Variants in BBS2 observed in about 807,000 individuals in gnomAD.
BBS2 encodes Bardet-Biedl syndrome 2.
In BBS2, 62 loss-of-function variants were observed where a neutral mutation model predicts 83.0. The ratio of observed to expected loss-of-function variants is 0.75; its 90% CI spans 0.61 to 0.92. The LOEUF is 0.92. Among genes scored for constraint, BBS2 ranks in the 40% least tolerant of loss-of-function variants. BBS2 has a pLI of 0.00. For missense variants in BBS2, 784 were observed against 901.0 expected (o/e 0.87, Z 1.66); for synonymous variants, 303 against 326.1 (o/e 0.93, Z 0.76).
chr16:56,475,987 C>G (rs999172487), intron 17 of BBS2: 58 of 1,473,408 alleles, frequency 3.9e-5, no homozygotes, highest in Non-Finnish European at 5.0e-5. Flanking sequence ...GGTTAATCAT[C>G]CAAGATTTGA....
Position 56,514,775 on chromosome 16 carries a change from A to G in BBS2, c.118-95T>C, listed in dbSNP as rs186644950. The G allele has an allele frequency of 1.1e-5, 10 of 912,172 alleles. No homozygotes were observed. In the Admixed American group the frequency reaches 1.6e-4, roughly 15 times the overall value. The allele number at this position is 912,172 out of a possible 1,614,324, so 56.5% of individuals were successfully genotyped here. A position where few individuals can be genotyped will look rare whatever the true frequency, so the allele number is the denominator to read the frequency against. ...AGAACCAGGTTATTAACACATCCAC[A>G]TTAACAAGAGGTCACTTTAATCTCC... On this transcript the variant is annotated intron_variant, in intron 1 of 16. Transcript: ENST00000245157.
At chr16:56,491,442 T>C (rs759987439) in intron 15 of BBS2, among the ~76,000 whole-genome samples, 2 of 152,198 alleles carry the variant, frequency 1.3e-5, no homozygotes, top group African/African-American at 2.4e-5. Flanking sequence ...TTTTCTGCCA[T>C]GTTTTGACTT....
intron 17 of BBS2, chr16:56,475,541 C>A: frequency 1.2e-6 from 2 of 1,613,974 alleles, no homozygotes; most frequent in Non-Finnish European, 8.5e-7. Flanking sequence ...TTACTTCTTA[C>A]ATTGCCAAAG....
chr16:56,516,365 T>C (rs1395726600), intron 1 of BBS2, among the ~76,000 whole-genome samples: 1 of 152,124 alleles, frequency 6.6e-6, no homozygotes. Context: ...AGAGGAAAAC[T>C]CTAATATTCA....
intron 5 of BBS2, among the ~76,000 whole-genome samples, chr16:56,508,617 T>G (rs1241282782): frequency 2.0e-5 from 3 of 152,140 alleles, no homozygotes; most frequent in Admixed American, 2.0e-4. Context: ...TTTGTCTTTA[T>G]TTTCCTAACT....
intron 15 of BBS2, among the ~76,000 whole-genome samples, chr16:56,496,222 T>C (rs1399034102): frequency 3.3e-5 from 5 of 152,144 alleles, no homozygotes; most frequent in Non-Finnish European, 7.4e-5. Flanking sequence ...ATTGGCAAGG[T>C]AAATTTGGCA....
downstream of BBS2, among the ~76,000 whole-genome samples, chr16:56,480,366 C>CAAAAAAAAAAAAAAAAA (rs1157907841): frequency 3.3e-5 from 3 of 90,232 alleles, 1 homozygote; most frequent in South Asian, 3.7e-4. Flanking sequence ...AAAAAAAAAA[C>CAAAAAAAAAAAAAAAAA]AAAAAAAAAA....
chr16:56,476,766 T>A (rs1963497078), intron 17 of BBS2: 1 of 151,596 alleles, frequency 6.6e-6, no homozygotes, highest in African/African-American at 2.5e-5. Context: ...CTTTTGTGAC[T>A]GGTTTCACTT....
At chr16:56,507,066 A>T (rs1448371388) in intron 5 of BBS2, among the ~76,000 whole-genome samples, 1 of 152,234 alleles carries the variant, frequency 6.6e-6, no homozygotes, top group Non-Finnish European at 1.5e-5. Context: ...TTAACTATGA[A>T]TACAAAGTGC....
chr16:56,487,512 T>C (rs912875407), intron 15 of BBS2, among the ~76,000 whole-genome samples: 1 of 152,110 alleles, frequency 6.6e-6, no homozygotes, highest in Non-Finnish European at 1.5e-5. Flanking sequence ...TGTCTAAAAA[T>C]ACAGAAAATA....
intron 2 of BBS2, among the ~76,000 whole-genome samples, chr16:56,511,719 A>G (rs1041026892): frequency 1.3e-5 from 2 of 152,150 alleles, no homozygotes; most frequent in Non-Finnish European, 2.9e-5. Flanking sequence ...TACATGTCCT[A>G]TTGGTTCTGT....
At position 56,498,441 on chromosome 16, in the gene BBS2, C is replaced by G; in HGVS notation, c.1655G>C (p.Gly552Ala). The change falls in exon 13 of 17, where the codon GGA becomes GCA. Residue 552 changes from glycine to alanine, a missense_variant. Physicochemically the swap from Gly to Ala is moderately conservative, Grantham distance 60 (BLOSUM62 0). Transcript: ENST00000245157. ...CCCCGTGATATTAAACATTACCTCT[C>G]CACTAAGTTTTATTTTTATATGCAG... ...GHLHIKIKLS[G>A]EITINTDDID... The G allele has an allele frequency of 1.2e-6, 2 of 1,613,944 alleles. No individual in the cohort carries two copies. The highest frequency in any genetic ancestry group is 2.2e-5 in the South Asian group (2 of 91,058).
Position 56,484,878 on chromosome 16 carries a change from A to G in BBS2, c.2060-11T>C. 6.2e-7 allele frequency: 1 copy of G among 1,602,756 alleles called. No individual in the cohort carries two copies. Among genetic ancestry groups the G allele is most frequent in the African/African-American group, 1.3e-5 (1 of 74,818 alleles). ...TCTTTGGTTTTCCAACTGCATAAGAAGAAACATCAGGAACCAAAAGATTGT... is the reference window on the plus strand; with the variant it reads ...TCTTTGGTTTTCCAACTGCATAAGAGGAAACATCAGGAACCAAAAGATTGT... On this transcript the variant is annotated splice_polypyrimidine_tract_variant and intron_variant, in intron 16 of 16. Coordinates refer to ENST00000245157, the MANE Select transcript of BBS2 (RefSeq NM_031885.5).
At chr16:56,474,694 T>G in intron 17 of BBS2, 4 of 653,876 alleles carry the variant, frequency 6.1e-6, no homozygotes, top group Non-Finnish European at 1.0e-5. Flanking sequence ...ATTGGTAGAA[T>G]AGCACTTCAA....
At chr16:56,477,118 A>T (rs1476982677) in intron 17 of BBS2, 1 of 152,146 alleles carries the variant, frequency 6.6e-6, no homozygotes, top group Non-Finnish European at 1.5e-5. Context: ...AACAAGAGTG[A>T]AACTCTGTCT....
chr16:56,487,021 C>G (rs1028380328), intron 15 of BBS2, among the ~76,000 whole-genome samples: 1 of 151,950 alleles, frequency 6.6e-6, no homozygotes, highest in Non-Finnish European at 1.5e-5. Context: ...ACCTTGGCCT[C>G]CCAAAATGCT....
chr16:56,487,373 A>G (rs1963813174), intron 15 of BBS2, among the ~76,000 whole-genome samples: 1 of 152,202 alleles, frequency 6.6e-6, no homozygotes. Flanking sequence ...AAAAACTATA[A>G]GATAGTTAGT....
chr16:56,472,489 G>A (rs1327665285), intron 17 of BBS2, among the ~76,000 whole-genome samples: 10 of 152,162 alleles, frequency 6.6e-5, no homozygotes, highest in African/African-American at 2.4e-4. Flanking sequence ...TATAAAGCTT[G>A]GCAAAAGCTA....
exon 18 of BBS2, chr16:56,470,509 A>AC: frequency 6.2e-7 from 1 of 1,612,440 alleles, no homozygotes; most frequent in Non-Finnish European, 8.5e-7. Flanking sequence ...AGCTGAGGAG[A>AC]GTAAGCTTCC....
Sources: gnomAD v4.1 joint callset for allele counts (sites outside exome capture counted in the v4.1 genomes callset) on GRCh38, gnomAD v4.1.1 for gene constraint, MANE v1.5 for transcripts, NCBI Gene and HGNC (gene_info 2026-07-23, HGNC 2026-07-21) for gene names.